The following ADK variants were observed in gnomAD, a reference collection of about 807,000 sequenced individuals.
ADK encodes N6,N6-dimethyladenosine kinase.
ADK carries 24 observed loss-of-function variants against 44.7 expected under a neutral mutation model. That is an observed-to-expected ratio of 0.54 (90% CI 0.39 to 0.76). The LOEUF is 0.76. Ranked by LOEUF, ADK falls within the 30% of genes least tolerant of loss-of-function variation. ADK has a pLI of 0.00. For synonymous variants in ADK, 128 were observed against 142.6 expected (o/e 0.90, Z 0.73); for missense variants, 321 against 425.1 (o/e 0.76, Z 2.15).
rs1175781444 is a variant in ADK, at chr10:74,258,482, AC to A, written c.194+33893del. Among the ~76,000 whole-genome samples the A allele has an allele frequency of 2.0e-5, 3 of 152,162 alleles. No homozygotes were observed. The East Asian group carries it at 5.8e-4, about 29-fold the overall frequency. On this transcript the variant is annotated intron_variant, in intron 3 of 10. Coordinates refer to ENST00000539909, the MANE Select transcript of ADK (RefSeq NM_006721.4). ...TAGTATAAATTATCTGTAATAAGCC[AC>A]CTTAATTAAAGTTGGTAAATCTACA...
intron 6 of ADK, among the ~76,000 whole-genome samples, chr10:74,412,983 T>C (rs1256384499): frequency 6.6e-6 from 1 of 151,824 alleles, no homozygotes; most frequent in East Asian, 1.9e-4. Flanking sequence ...GCTTGAACCC[T>C]GGAGGCGGAG....
At chr10:74,352,167 T>C (rs984600513) in intron 4 of ADK, among the ~76,000 whole-genome samples, 2 of 152,138 alleles carry the variant, frequency 1.3e-5, no homozygotes, top group Admixed American at 6.5e-5. Context: ...GCTACCTGAC[T>C]TCAAACTGTA....
chr10:74,296,103 G>A (rs1047717420), intron 3 of ADK, among the ~76,000 whole-genome samples: 2 of 140,288 alleles, frequency 1.4e-5, no homozygotes, highest in African/African-American at 5.3e-5. Flanking sequence ...GGTTTCATTT[G>A]CAGTTTTTTT....
intron 7 of ADK, among the ~76,000 whole-genome samples, chr10:74,570,796 T>C (rs1416068793): frequency 1.3e-5 from 2 of 152,182 alleles, no homozygotes; most frequent in Non-Finnish European, 2.9e-5. Context: ...TCCTGCCTGA[T>C]TGCCCTGGCC....
chr10:74,169,172 T>C (rs1842103026), intron 1 of ADK, among the ~76,000 whole-genome samples: 1 of 149,064 alleles, frequency 6.7e-6, no homozygotes, highest in East Asian at 2.0e-4. Flanking sequence ...TGAACCAAGA[T>C]TGTGCCAGTA....
chr10:74,462,371 A>G (rs74146363), intron 6 of ADK, among the ~76,000 whole-genome samples: 192 of 152,272 alleles, frequency 1.3e-3, no homozygotes, highest in African/African-American at 4.3e-3. Flanking sequence ...AGTATATTTT[A>G]GGAAATTTTC....
chr10:74,218,377 C>G (rs886145869), intron 2 of ADK, among the ~76,000 whole-genome samples: 1 of 152,112 alleles, frequency 6.6e-6, no homozygotes, highest in African/African-American at 2.4e-5. Context: ...TGTGAAAAGA[C>G]CAAATCTACG....
intron 6 of ADK, among the ~76,000 whole-genome samples, chr10:74,400,898 T>G (rs531064660): frequency 1.3e-5 from 2 of 152,348 alleles, no homozygotes; most frequent in Non-Finnish European, 2.9e-5. Flanking sequence ...CCAAACCTTC[T>G]TCTTCATTTT....
At chr10:74,301,073 A>C (rs1017789106) in intron 3 of ADK, among the ~76,000 whole-genome samples, 1 of 152,370 alleles carries the variant, frequency 6.6e-6, no homozygotes, top group Middle Eastern at 3.4e-3. Flanking sequence ...CTAAGTGATA[A>C]ATATGCTTAA....
At chr10:74,355,090 G>A (rs570161312) in intron 4 of ADK, among the ~76,000 whole-genome samples, 2 of 152,220 alleles carry the variant, frequency 1.3e-5, no homozygotes, top group African/African-American at 2.4e-5. Context: ...GTCTCCCAAT[G>A]TGCTAGAACT....
rs1458499785 is a variant in ADK, at chr10:74,642,825, TTC to T, written c.878-27356_878-27355del. 2.5e-4 allele frequency among the ~76,000 whole-genome samples: 36 copies of T among 144,070 alleles called. 1 individual carries two copies. Among genetic ancestry groups the T allele is most frequent in the Non-Finnish European group, 4.7e-4 (30 of 63,504 alleles). 94.5% of individuals were successfully genotyped at this position (144,070 alleles called of 152,430 possible). Reference sequence around the variant, plus strand: ...CTCTGAATTCTTATAAAATCTTAAGTTCTTTTTTTTTTTTTTTTTTTTTTTTA... The same window carrying T: ...CTCTGAATTCTTATAAAATCTTAAGTTTTTTTTTTTTTTTTTTTTTTTTTA... On this transcript the variant is annotated intron_variant, in intron 9 of 10. Coordinates refer to ENST00000539909, the MANE Select transcript of ADK (RefSeq NM_006721.4).
chr10:74,206,105 C>T (rs949833705), intron 2 of ADK, among the ~76,000 whole-genome samples: 1 of 151,968 alleles, frequency 6.6e-6, no homozygotes. Context: ...TTCATGGTCA[C>T]TATTTTAAAA....
At chr10:74,282,924 A>T (rs974270774) in intron 3 of ADK, among the ~76,000 whole-genome samples, 2 of 152,222 alleles carry the variant, frequency 1.3e-5, no homozygotes, top group Non-Finnish European at 2.9e-5. Context: ...AATCTATTGA[A>T]AAAATACCAT....
In ADK at chr10:74,406,523, TAATAAGAAGAAG is replaced by T. The variant is rs1466600816; in HGVS notation, c.555+7947_555+7958del. 4.8e-3 allele frequency among the ~76,000 whole-genome samples: 269 copies of T among 56,104 alleles called. 2 individuals carry two copies. The highest frequency in any genetic ancestry group is 0.024 in the East Asian group (65 of 2,668). 36.8% of individuals were successfully genotyped at this position (56,104 alleles called of 152,430 possible). ...CCGATTAAAATAATAATAATAATAA[TAATAAGAAGAAG>T]AAGAAGAAGAAGAAGAAGAAGAAGA... On this transcript the variant is annotated intron_variant, in intron 6 of 10. Transcript: ENST00000539909.
intron 7 of ADK, among the ~76,000 whole-genome samples, chr10:74,532,259 G>T (rs1166776657): frequency 6.6e-6 from 1 of 151,890 alleles, no homozygotes; most frequent in Admixed American, 6.6e-5. Context: ...ATAGGGATTG[G>T]TGAGGGTCAG....
At chr10:74,523,309 C>A (rs1848913093) in intron 6 of ADK, among the ~76,000 whole-genome samples, 2 of 152,122 alleles carry the variant, frequency 1.3e-5, no homozygotes, top group African/African-American at 4.8e-5. Flanking sequence ...CCTTTTTTAA[C>A]AACTACTTCT....
intron 1 of ADK, among the ~76,000 whole-genome samples, chr10:74,175,798 A>G (rs935141118): frequency 6.6e-6 from 1 of 152,216 alleles, no homozygotes; most frequent in Admixed American, 6.5e-5. Flanking sequence ...AAATTATTGC[A>G]CAGAGAATAA....
intron 6 of ADK, among the ~76,000 whole-genome samples, chr10:74,417,060 C>A (rs922231981): frequency 6.6e-6 from 1 of 151,944 alleles, no homozygotes; most frequent in East Asian, 1.9e-4. Context: ...GATTGATAGG[C>A]TTCTTGTGGT....
chr10:74,581,044 A>G (rs1361030355), intron 7 of ADK, among the ~76,000 whole-genome samples: 1 of 151,840 alleles, frequency 6.6e-6, no homozygotes, highest in Non-Finnish European at 1.5e-5. Context: ...ACACACACAC[A>G]CACACACACA....
Sources: allele counts gnomAD v4.1 joint callset (sites outside exome capture counted in the v4.1 genomes callset), GRCh38; gene constraint gnomAD v4.1.1; transcripts MANE v1.5; gene names NCBI Gene and HGNC (gene_info 2026-07-23, HGNC 2026-07-21).